ZNF626: variants seen among roughly 807,000 people sequenced by gnomAD.
ZNF626 encodes the protein CTC-513N18.7.
ZNF626 carries 4 observed loss-of-function variants against 11.7 expected under a neutral mutation model. That is an observed-to-expected ratio of 0.34 (90% confidence interval 0.17 to 0.78). ZNF626 has a LOEUF of 0.78. Ranked by LOEUF, ZNF626 falls within the 30% of genes least tolerant of loss-of-function variation. The pLI, the probability that ZNF626 is intolerant of heterozygous loss-of-function variation, is 0.57. For synonymous variants in ZNF626, 179 were observed against 198.6 expected (o/e 0.90, Z 0.83); for missense variants, 588 against 587.1 (o/e 1.00, Z -0.01).
In ZNF626 at chr19:20,624,223, A is replaced by G; in HGVS notation, c.*67T>C. On this transcript the variant is annotated 3_prime_UTR_variant, in exon 4 of 4. Coordinates refer to ENST00000601440, the MANE Select transcript of ZNF626 (RefSeq NM_001076675.3). ...AGTATGAATTTTCTTATGTGTAGTA[A>G]GGTTAGAGAAATGCTTAAAAGCTTT... The G allele has an allele frequency of 1.2e-6, 2 of 1,611,004 alleles. No homozygotes were observed. The highest frequency in any genetic ancestry group is 1.7e-6 in the Non-Finnish European group (2 of 1,178,112).
At position 20,624,065 on chromosome 19, in the gene ZNF626, A is replaced by G. The variant is rs1223155007; in HGVS notation, c.*225T>C. ...ATCTTATGTGCAGTAAGGTGTGAGG[A>G]TAGGTGAAAAGCTTTACCACATTAT... On this transcript the variant is annotated 3_prime_UTR_variant, in exon 4 of 4. Transcript: ENST00000601440. 3.8e-6 allele frequency: 3 copies of G among 790,522 alleles called. No individual in the cohort carries two copies. The East Asian group carries it at 7.5e-5, about 20-fold the overall frequency. 49.0% of individuals were successfully genotyped at this position (790,522 alleles called of 1,614,324 possible).
chr19:20,644,418 A>G (rs1164401395), intron 3 of ZNF626, among the ~76,000 whole-genome samples: 18 of 152,212 alleles, frequency 1.2e-4, no homozygotes, highest in Admixed American at 4.6e-4. Flanking sequence ...GTAACAAGCC[A>G]ACTGAAGATG....
Position 20,645,749 on chromosome 19 carries a change from G to C in ZNF626, c.161C>G (p.Thr54Ser), listed in dbSNP as rs374931274. The C allele has an allele frequency of 3.7e-6, 6 of 1,610,850 alleles. No homozygotes were observed. The highest frequency in any genetic ancestry group is 3.4e-6 in the Non-Finnish European group (4 of 1,179,296). ...AGGTTTTCTTCCTTGCTCCAGACAGGTGATCAGGTCTGGCTTAGAAACAGT... is the reference window on the plus strand; with the variant it reads ...AGGTTTTCTTCCTTGCTCCAGACAGCTGATCAGGTCTGGCTTAGAAACAGT... ...GITVSKPDLI[T>S]CLEQGRKPLT... The change falls in exon 3 of 4, where the codon ACC becomes AGC. Residue 54 changes from threonine to serine, a missense_variant. Thr to Ser is a moderately conservative substitution (Grantham distance 58, BLOSUM62 1). Around this residue, in one of 4 missense-constraint regions of ZNF626, gnomAD observed 524 missense variants for 470.1 expected, o/e 1.11. Coordinates refer to ENST00000601440, the MANE Select transcript of ZNF626 (RefSeq NM_001076675.3).
chr19:20,637,628 T>G (rs1039646399), intron 3 of ZNF626, among the ~76,000 whole-genome samples: 1 of 152,064 alleles, frequency 6.6e-6, no homozygotes, highest in African/African-American at 2.4e-5. Context: ...TGTTTTAACT[T>G]TAAGATGTAT....
At chr19:20,633,187 C>T (rs369191822) in intron 3 of ZNF626, among the ~76,000 whole-genome samples, 63 of 152,308 alleles carry the variant, frequency 4.1e-4, no homozygotes, top group African/African-American at 1.3e-3. Flanking sequence ...AGGTGTCAGT[C>T]CACCCCTACT....
chr19:20,652,426 A>G (rs781976882), intron 1 of ZNF626, among the ~76,000 whole-genome samples: 9 of 152,238 alleles, frequency 5.9e-5, no homozygotes, highest in African/African-American at 9.6e-5. Context: ...GAGTAGCAGC[A>G]TTTACAAGAA....
chr19:20,628,797 T>A (rs1969869681), intron 3 of ZNF626, among the ~76,000 whole-genome samples: 1 of 152,214 alleles, frequency 6.6e-6, no homozygotes, highest in Non-Finnish European at 1.5e-5. Flanking sequence ...TTAGATCCCA[T>A]TTGTCAATTT....
chr19:20,630,230 C>T (rs1405957790), intron 3 of ZNF626, among the ~76,000 whole-genome samples: 3 of 152,054 alleles, frequency 2.0e-5, no homozygotes, highest in Admixed American at 1.3e-4. Flanking sequence ...GGATATTGGT[C>T]GAAAATTCTC....
intron 3 of ZNF626, chr19:20,645,225 G>C: frequency 2.3e-6 from 3 of 1,311,054 alleles, no homozygotes. Context: ...AATAAAAACA[G>C]AATGGACTGT....
In ZNF626 at chr19:20,635,174, A is replaced by G. The variant is rs985889108; in HGVS notation, c.227-9524T>C. 2.4e-4 allele frequency among the ~76,000 whole-genome samples: 36 copies of G among 152,314 alleles called. 1 individual carries two copies. Among genetic ancestry groups the G allele is most frequent in the African/African-American group, 8.4e-4 (35 of 41,570 alleles). On this transcript the variant is annotated intron_variant, in intron 3 of 3. Transcript: ENST00000601440. ...TATATGAGATATGTAAAGCAGTTATACTCCTAGAAACAGAAAACAGAGTGG... is the reference window on the plus strand; with the variant it reads ...TATATGAGATATGTAAAGCAGTTATGCTCCTAGAAACAGAAAACAGAGTGG...
chr19:20,636,978 G>A (rs559727791), intron 3 of ZNF626, among the ~76,000 whole-genome samples: 5 of 130,594 alleles, frequency 3.8e-5, no homozygotes, highest in African/African-American at 1.2e-4. Context: ...CCAAAATCAT[G>A]CCACGGTACT....
Position 20,624,381 on chromosome 19 carries a change from T to C in ZNF626, c.1496A>G (p.His499Arg), listed in dbSNP as rs1969795424. 2 of 738,514 alleles carry C rather than the reference T, an allele frequency of 2.7e-6. No individual in the cohort carries two copies. Among genetic ancestry groups the C allele is most frequent in the South Asian group, 3.8e-5 (2 of 52,788 alleles). The allele number at this position is 738,514 out of a possible 1,614,324, so 45.7% of individuals were successfully genotyped here. The change falls in exon 4 of 4, where the codon CAT becomes CGT. Residue 499 changes from histidine to arginine, a missense_variant. Coordinates refer to ENST00000601440, the MANE Select transcript of ZNF626 (RefSeq NM_001076675.3). ...ATTTCTCTCCAGTATGATTCTCTCA[T>C]GTGTAGTAAGGATTGAGGACTGGTT... ...AFNQSSILTT[H>R]ERIILERNST...
chr19:20,650,778 C>T (rs1181473135), intron 1 of ZNF626, among the ~76,000 whole-genome samples: 1 of 152,126 alleles, frequency 6.6e-6, no homozygotes, highest in East Asian at 1.9e-4. Context: ...TAATCTTTTC[C>T]AGCCACTGCC....
chr19:20,631,213 G>A (rs1421502163), intron 3 of ZNF626, among the ~76,000 whole-genome samples: 1 of 151,740 alleles, frequency 6.6e-6, no homozygotes, highest in Non-Finnish European at 1.5e-5. Context: ...CAATTTTGAA[G>A]TAGGTGTGGT....
intron 3 of ZNF626, 148 bp downstream of exon 3, chr19:20,645,536 A>G (rs1970066962): frequency 6.5e-7 from 1 of 1,549,506 alleles, no homozygotes; most frequent in Admixed American, 2.3e-5. Context: ...GAAAAAACCA[A>G]ACAAACAAAC....
chr19:20,645,369 G>T, intron 3 of ZNF626: 1 of 1,580,530 alleles, frequency 6.3e-7, no homozygotes, highest in Non-Finnish European at 8.5e-7. Flanking sequence ...CAAAAATTAT[G>T]GAAAAGCAGC....
chr19:20,660,246 A>T (rs1970250368), intron 1 of ZNF626, among the ~76,000 whole-genome samples: 1 of 53,610 alleles, frequency 1.9e-5, no homozygotes, highest in African/African-American at 2.2e-4. Flanking sequence ...CTGTGTCTAA[A>T]AAAAAAAAAA....
At chr19:20,630,838 T>C (rs1969896163) in intron 3 of ZNF626, among the ~76,000 whole-genome samples, 1 of 123,468 alleles carries the variant, frequency 8.1e-6, no homozygotes, top group Non-Finnish European at 1.6e-5. Flanking sequence ...GAATGTTTGC[T>C]CTTGCCTCTC....
At chr19:20,646,468 T>C in intron 1 of ZNF626, 63 bp from the exon 2 acceptor site, 1 of 1,611,094 alleles carries the variant, frequency 6.2e-7, no homozygotes, top group Non-Finnish European at 8.5e-7. Context: ...TAATTTGACT[T>C]AAGGTGAAAT....
Sources: allele counts gnomAD v4.1 joint callset (sites outside exome capture counted in the v4.1 genomes callset), GRCh38; gene constraint gnomAD v4.1.1; regional missense constraint gnomAD v4.1.1; transcripts MANE v1.5; gene names NCBI Gene and HGNC (gene_info 2026-07-23, HGNC 2026-07-21).